Variants in CHIC2 observed in about 807,000 individuals in gnomAD.
CHIC2 encodes cysteine-rich hydrophobic domain-containing protein 2.
CHIC2 carries 14 observed loss-of-function variants against 25.9 expected under a neutral mutation model. The ratio of observed to expected loss-of-function variants is 0.54; its 90% CI spans 0.36 to 0.85. The LOEUF is 0.85. Ranked by LOEUF, CHIC2 falls within the 40% of genes least tolerant of loss-of-function variation. The pLI is 0.01. For missense variants in CHIC2, 146 were observed against 202.0 expected, an observed-to-expected ratio of 0.72 and a Z score of 1.68; for synonymous variants, 70 against 72.0, an observed-to-expected ratio of 0.97 and a Z score of 0.14.
chr4:54,086,414 G>A, the CHIC2 span, among the ~76,000 whole-genome samples: 2 of 152,140 alleles, frequency 1.3e-5, no homozygotes, highest in Admixed American at 1.3e-4. Context: ...GGTTTAGGAG[G>A]TCCTGGATGT....
At chr4:54,088,237 C>G in the CHIC2 span, among the ~76,000 whole-genome samples, 5 of 152,050 alleles carry the variant, frequency 3.3e-5, no homozygotes, top group African/African-American at 1.2e-4. Context: ...CTCTGCAAAT[C>G]CGTCTATGTT....
intron 3 of CHIC2, among the ~76,000 whole-genome samples, chr4:54,040,584 C>G (rs1716539915): frequency 6.6e-6 from 1 of 151,578 alleles, no homozygotes; most frequent in Admixed American, 6.6e-5. Context: ...GCCTGTAATT[C>G]CAGCTACTCC....
At chr4:54,065,496 G>A (rs544461190), upstream of CHIC2, among the ~76,000 whole-genome samples, 1 of 152,206 alleles carries the variant, frequency 6.6e-6, no homozygotes, top group East Asian at 1.9e-4. Flanking sequence ...AAGGATAGAA[G>A]GAAGGACGAG....
intron 1 of CHIC2, among the ~76,000 whole-genome samples, chr4:54,058,774 C>T (rs1293563514): frequency 6.6e-6 from 1 of 152,064 alleles, no homozygotes; most frequent in Non-Finnish European, 1.5e-5. Context: ...GGCCTAATAT[C>T]CTGGGCCTTT....
intron 3 of CHIC2, among the ~76,000 whole-genome samples, chr4:54,027,073 A>T (rs1716083688): frequency 6.6e-6 from 1 of 152,236 alleles, no homozygotes; most frequent in Admixed American, 6.5e-5. Flanking sequence ...AAGAAAAGAA[A>T]GTAGAAAGCT....
intron 1 of CHIC2, chr4:54,061,119 T>C (rs895312486): frequency 4.6e-5 from 7 of 152,122 alleles, no homozygotes; most frequent in Admixed American, 2.0e-4. Context: ...ATGAAAACAT[T>C]TGTATTTAAA....
At chr4:54,048,817 CT>C (rs1716911165) in intron 3 of CHIC2, 137 bp downstream of exon 3, 2 of 665,594 alleles carry the variant, frequency 3.0e-6, no homozygotes, top group Non-Finnish European at 4.7e-6. Context: ...TACTGACTCA[CT>C]CCTCTCCTGG....
intron 3 of CHIC2, among the ~76,000 whole-genome samples, chr4:54,029,069 G>C (rs897266712): frequency 6.6e-6 from 1 of 150,984 alleles, no homozygotes; most frequent in Non-Finnish European, 1.5e-5. Flanking sequence ...ATTGCAGTGA[G>C]CCAACATCGC....
upstream of CHIC2, among the ~76,000 whole-genome samples, chr4:54,067,103 A>G (rs1463401926): frequency 2.6e-5 from 4 of 152,222 alleles, no homozygotes; most frequent in Non-Finnish European, 4.4e-5. Context: ...TTTCCAGAAC[A>G]CTGTGACTTA....
intron 1 of CHIC2, chr4:54,059,879 A>G (rs1014366706): frequency 6.6e-6 from 1 of 152,208 alleles, no homozygotes; most frequent in Admixed American, 6.5e-5. Flanking sequence ...GCCCTCAAGA[A>G]CTTATAGCCT....
chr4:54,023,950 C>T (rs970035328), intron 3 of CHIC2, among the ~76,000 whole-genome samples: 3 of 152,220 alleles, frequency 2.0e-5, no homozygotes, highest in African/African-American at 7.2e-5. Flanking sequence ...CCAAAGGAAG[C>T]TGGAGTCATT....
At chr4:54,052,815 T>A (rs1285974471) in intron 1 of CHIC2, among the ~76,000 whole-genome samples, 1 of 152,222 alleles carries the variant, frequency 6.6e-6, no homozygotes, top group Non-Finnish European at 1.5e-5. Context: ...GCATTGAAAA[T>A]ATTTATACCT....
chr4:54,088,218 C>T, the CHIC2 span, among the ~76,000 whole-genome samples: 2 of 152,032 alleles, frequency 1.3e-5, no homozygotes, highest in African/African-American at 4.8e-5. Context: ...TGAAGTAAAA[C>T]AGCCCATCCT....
chr4:54,058,241 A>T (rs1453796188), intron 1 of CHIC2, among the ~76,000 whole-genome samples: 1 of 152,210 alleles, frequency 6.6e-6, no homozygotes, highest in Non-Finnish European at 1.5e-5. Context: ...GTAATAATTT[A>T]TTGAATGCCT....
the CHIC2 span, among the ~76,000 whole-genome samples, chr4:54,080,281 A>C: frequency 6.6e-6 from 1 of 151,950 alleles, no homozygotes; most frequent in Non-Finnish European, 1.5e-5. Flanking sequence ...AAGTGAAATA[A>C]GACAGACAAA....
At chr4:54,057,489 T>C (rs1717212313) in intron 1 of CHIC2, among the ~76,000 whole-genome samples, 1 of 152,168 alleles carries the variant, frequency 6.6e-6, no homozygotes, top group South Asian at 2.1e-4. Context: ...GACAGGACTC[T>C]CATCCTTCCT....
chr4:54,021,342 C>G (rs993453233), intron 3 of CHIC2, among the ~76,000 whole-genome samples: 2 of 152,058 alleles, frequency 1.3e-5, no homozygotes, highest in African/African-American at 4.8e-5. Context: ...TGCGACTCAT[C>G]CCAAATCTTT....
upstream of CHIC2, chr4:54,064,754 C>T (rs530141288): frequency 3.1e-6 from 2 of 649,996 alleles, no homozygotes; most frequent in East Asian, 2.7e-4. The surrounding 1 kb of genome is among the most constrained non-coding windows in gnomAD (Gnocchi z 4.2). Flanking sequence ...TGCGGCCTCG[C>T]GCGCTCCCAG....
At chr4:54,059,071 T>C (rs1406041581) in intron 1 of CHIC2, among the ~76,000 whole-genome samples, 4 of 152,200 alleles carry the variant, frequency 2.6e-5, no homozygotes, top group Non-Finnish European at 4.4e-5. Flanking sequence ...TTAATTATCA[T>C]ATTTCTCATT....
Sources: gnomAD v4.1 joint callset for allele counts (sites outside exome capture counted in the v4.1 genomes callset) on GRCh38, gnomAD v4.1.1 for gene constraint, Gnocchi (gnomAD v3.1) non-coding constraint, MANE v1.5 for transcripts, NCBI Gene and HGNC (gene_info 2026-07-23, HGNC 2026-07-21) for gene names.